ZMYM2: variants seen among roughly 807,000 people sequenced by gnomAD.
ZMYM2 encodes zinc finger MYM-type containing 2, also known as zinc finger MYM-type protein 2.
In ZMYM2, 56 loss-of-function variants were observed where a neutral mutation model predicts 162.8. That is an observed-to-expected ratio of 0.34 (90% CI 0.28 to 0.43). The LOEUF (loss-of-function observed/expected upper bound fraction) is 0.43, where lower values mean the gene tolerates loss of function less well. ZMYM2 is among the 20% of genes least tolerant of loss of function. The pLI, the probability that ZMYM2 is intolerant of heterozygous loss-of-function variation, is 1.00. For synonymous variants in ZMYM2, 510 were observed against 541.6 expected (o/e 0.94, Z 0.81); for missense variants, 1,275 against 1,621.8 (o/e 0.79, Z 3.67).
chr13:20,032,599 C>CTTTTTTTTTT (rs57294389), intron 10 of ZMYM2, among the ~76,000 whole-genome samples: 4 of 66,034 alleles, frequency 6.1e-5, no homozygotes, highest in Non-Finnish European at 8.6e-5. Flanking sequence ...TTTTTTCTGT[C>CTTTTTTTTTT]TTTTTTTTTT....
chr13:19,893,064 T>C, the ZMYM2 span, among the ~76,000 whole-genome samples: 1 of 151,780 alleles, frequency 6.6e-6, no homozygotes, highest in Non-Finnish European at 1.5e-5. Flanking sequence ...AATAAAAATA[T>C]TTATAGTTGT....
In ZMYM2 at chr13:20,031,354, T is replaced by G; in HGVS notation, c.1887T>G (p.Phe629Leu). Residue 629 changes from phenylalanine (F) to leucine (L), a missense_variant, in exon 10 of 25, where the codon TTT becomes TTG. Physicochemically the swap from Phe to Leu is conservative, Grantham distance 22. Transcript: ENST00000610343. ...TGCAGTCATCTCCAAATGGCCAGTTTGTAGCGCCAAGTGATATTCAGTTGA... is the reference window on the plus strand; with the variant it reads ...TGCAGTCATCTCCAAATGGCCAGTTGGTAGCGCCAAGTGATATTCAGTTGA... The part of the protein sequence containing the change: ...LSMQSSPNGQ[F>L]VAPSDIQLKC... 1 of 1,609,568 alleles carries G rather than the reference T, an allele frequency of 6.2e-7. No homozygotes were observed. Among genetic ancestry groups the G allele is most frequent in the Non-Finnish European group, 8.5e-7 (1 of 1,178,836 alleles).
rs1271787099 is a variant in ZMYM2 at position 20,082,875 on chromosome 13, C to CT, written c.3666dup (p.Asn1223Ter). On this transcript the variant is annotated frameshift_variant, in exon 23 of 25. Transcript: ENST00000610343. LOFTEE classifies it high-confidence loss of function. Reference sequence around the variant, plus strand: ...TAGCTCTTCTGAATACACTGTTCTACTTTAACACTAAGTATTTTGGCCTGA... The same window carrying CT: ...TAGCTCTTCTGAATACACTGTTCTACTTTTAACACTAAGTATTTTGGCCTGA... 6.2e-7 allele frequency: 1 copy of CT among 1,613,900 alleles called. No individual in the cohort carries two copies. The highest frequency in any genetic ancestry group is 8.5e-7 in the Non-Finnish European group (1 of 1,179,848).
At chr13:20,053,693 T>C (rs1440511104) in intron 14 of ZMYM2, among the ~76,000 whole-genome samples, 3 of 152,162 alleles carry the variant, frequency 2.0e-5, no homozygotes, top group Admixed American at 1.3e-4. Flanking sequence ...GATGCTGATA[T>C]GTAACCAGAC....
Position 20,066,958 on chromosome 13 carries a change from A to G in ZMYM2, c.3240A>G (p.Lys1080=). Residue 1080 remains lysine (K), a synonymous_variant, in exon 20 of 25, where the codon AAA becomes AAG. Transcript: ENST00000610343. ...FKYTYGVNAW[K]HWVKTRQLDE... ...ATACGTATGGCGTAAATGCATGGAA[A>G]CACTGGGTCAAAACTAGGCAACTTG... 1.2e-6 allele frequency: 2 copies of G among 1,613,290 alleles called. No individual in the cohort carries two copies. The highest frequency in any genetic ancestry group is 1.7e-6 in the Non-Finnish European group (2 of 1,179,530).
intron 2 of ZMYM2, among the ~76,000 whole-genome samples, chr13:19,960,286 C>T (rs1266672184): frequency 6.6e-6 from 1 of 152,186 alleles, no homozygotes; most frequent in Admixed American, 6.5e-5. Flanking sequence ...CAGCTGCTCA[C>T]GTTACCCGGG....
intron 3 of ZMYM2, among the ~76,000 whole-genome samples, chr13:19,996,325 C>T (rs975662743): frequency 6.6e-6 from 1 of 151,988 alleles, no homozygotes; most frequent in Non-Finnish European, 1.5e-5. Flanking sequence ...TCATGCCTGT[C>T]ATCCCAGCAC....
At chr13:20,076,898 G>A (rs1957545553) in intron 21 of ZMYM2, among the ~76,000 whole-genome samples, 1 of 149,988 alleles carries the variant, frequency 6.7e-6, no homozygotes, top group Admixed American at 6.6e-5. Context: ...GTGCAGTGGT[G>A]CGATCTCGGC....
intron 2 of ZMYM2, among the ~76,000 whole-genome samples, chr13:19,964,589 T>C (rs568779480): frequency 2.6e-5 from 4 of 152,296 alleles, no homozygotes; most frequent in Admixed American, 1.3e-4. Context: ...TTAAAAACTT[T>C]TGCACGTTTA....
At chr13:20,027,380 G>A (rs1952680601) in intron 9 of ZMYM2, 62 bp downstream of exon 9, 11 of 1,279,562 alleles carry the variant, frequency 8.6e-6, no homozygotes, top group Non-Finnish European at 1.2e-5. Flanking sequence ...AATAATCAGT[G>A]TAATATAATA....
intron 2 of ZMYM2, among the ~76,000 whole-genome samples, chr13:19,973,607 G>A (rs921326648): frequency 2.1e-4 from 31 of 146,208 alleles, no homozygotes; most frequent in African/African-American, 6.5e-4. Flanking sequence ...GGAGGCAGAG[G>A]TTGCAGTGAT....
At chr13:20,016,122 A>G (rs1951605181) in intron 6 of ZMYM2, among the ~76,000 whole-genome samples, 1 of 149,658 alleles carries the variant, frequency 6.7e-6, no homozygotes, top group African/African-American at 2.5e-5. Flanking sequence ...TGTTTAGTTG[A>G]TTGTAGTGCA....
intron 21 of ZMYM2, among the ~76,000 whole-genome samples, chr13:20,079,123 A>G (rs1467965793): frequency 6.6e-6 from 1 of 151,750 alleles, no homozygotes; most frequent in East Asian, 1.9e-4. Flanking sequence ...GATGGAGACC[A>G]TCCTGGCCAA....
chr13:19,870,578 C>CCTT, the ZMYM2 span, among the ~76,000 whole-genome samples: 89 of 122,184 alleles, frequency 7.3e-4, no homozygotes, highest in Non-Finnish European at 1.1e-3. Flanking sequence ...TTCCTTCTTT[C>CCTT]CTTTCCTTCC....
intron 14 of ZMYM2, among the ~76,000 whole-genome samples, chr13:20,055,715 A>G (rs1593147388): frequency 6.6e-6 from 1 of 152,244 alleles, no homozygotes; most frequent in African/African-American, 2.4e-5. Context: ...CCCGAGTGCT[A>G]TAGTAACATC....
At position 20,029,654 on chromosome 13, in the gene ZMYM2, C is replaced by A. The variant is rs373322227; in HGVS notation, c.1852-1665C>A. ...CATTGAATGGCTAATTTTTATTAAC[C>A]GTTTCATGCATTAAGATTATATGTA... On this transcript the variant is annotated intron_variant, in intron 9 of 24. Transcript: ENST00000610343. Among the ~76,000 whole-genome samples, 329 of 151,944 alleles carry A rather than the reference C, an allele frequency of 2.2e-3. 11 individuals carry two copies. In the South Asian group the frequency reaches 0.055, roughly 25 times the overall value.
chr13:19,880,119 C>A, the ZMYM2 span, among the ~76,000 whole-genome samples: 1 of 152,178 alleles, frequency 6.6e-6, no homozygotes, highest in South Asian at 2.1e-4. Flanking sequence ...GACTGAATTA[C>A]ACCATCAGCT....
the ZMYM2 span, among the ~76,000 whole-genome samples, chr13:19,871,050 T>C: frequency 6.6e-6 from 1 of 152,088 alleles, no homozygotes; most frequent in Non-Finnish European, 1.5e-5. Flanking sequence ...TGGACATATG[T>C]TAAAACTGTC....
Position 20,016,266 on chromosome 13 carries a change from A to G in ZMYM2, c.1513-3281A>G, listed in dbSNP as rs1289132660. On this transcript the variant is annotated intron_variant, in intron 6 of 24. Transcript: ENST00000610343. Reference sequence around the variant, plus strand: ...ATTTATAACAAGTTAATCAGCTTTTAAAAATGCTGCTCCTATATATCTGTT... The same window carrying G: ...ATTTATAACAAGTTAATCAGCTTTTGAAAATGCTGCTCCTATATATCTGTT... Among the ~76,000 whole-genome samples, 3 of 152,256 alleles carry G rather than the reference A, an allele frequency of 2.0e-5. No individual in the cohort carries two copies. The East Asian group carries it at 5.8e-4, about 29-fold the overall frequency.
Sources: allele counts gnomAD v4.1 joint callset (sites outside exome capture counted in the v4.1 genomes callset), GRCh38; gene constraint gnomAD v4.1.1; transcripts MANE v1.5; gene names NCBI Gene and HGNC (gene_info 2026-07-23, HGNC 2026-07-21).